Variants in HECTD2 observed in about 807,000 individuals in gnomAD.
HECTD2 encodes HECT domain E3 ubiquitin protein ligase 2.
HECTD2 carries 35 observed loss-of-function variants against 103.2 expected under a neutral mutation model. The observed-to-expected ratio is 0.34, with a 90% CI of 0.26 to 0.45. HECTD2 has a LOEUF of 0.45. Ranked by LOEUF, HECTD2 falls within the 20% of genes least tolerant of loss-of-function variation. The probability of loss-of-function intolerance (pLI) is 1.00; values close to 1 mark genes in which losing one functional copy is unlikely to be tolerated. For synonymous variants in HECTD2, 281 were observed against 329.9 expected (o/e 0.85, Z 1.61); for missense variants, 596 against 937.4 (o/e 0.64, Z 4.76).
chr10:91,415,786 A>G (rs1843103354), intron 1 of HECTD2, among the ~76,000 whole-genome samples: 1 of 152,252 alleles, frequency 6.6e-6, no homozygotes, highest in Non-Finnish European at 1.5e-5. Flanking sequence ...ATTTGTTACT[A>G]GAGATAGAAC....
chr10:91,422,585 A>G (rs1036016315), intron 1 of HECTD2, among the ~76,000 whole-genome samples: 1 of 152,150 alleles, frequency 6.6e-6, no homozygotes, highest in Non-Finnish European at 1.5e-5. Flanking sequence ...CCTAATACAT[A>G]TAATAAGGAA....
At chr10:91,438,799 G>T (rs1179356240) in intron 2 of HECTD2, among the ~76,000 whole-genome samples, 1 of 152,080 alleles carries the variant, frequency 6.6e-6, no homozygotes, top group Non-Finnish European at 1.5e-5. Flanking sequence ...ATCTCATTGT[G>T]GTTTTGATTT....
chr10:91,462,484 C>CTGTA, intron 5 of HECTD2: 3 of 1,158,468 alleles, frequency 2.6e-6, no homozygotes, highest in Non-Finnish European at 3.2e-6. Flanking sequence ...TACACTGAAT[C>CTGTA]TGTAGATCAG....
At chr10:91,432,870 G>A (rs1843949420) in intron 2 of HECTD2, among the ~76,000 whole-genome samples, 2 of 151,904 alleles carry the variant, frequency 1.3e-5, no homozygotes, top group South Asian at 2.1e-4. Context: ...AATAGCCAGG[G>A]AAGAACAAGT....
At chr10:91,422,153 A>G (rs936048163) in intron 1 of HECTD2, among the ~76,000 whole-genome samples, 1 of 152,106 alleles carries the variant, frequency 6.6e-6, no homozygotes. Flanking sequence ...ATCTCTGTTC[A>G]GGATAGAATC....
At chr10:91,449,270 T>C (rs1433297915) in intron 2 of HECTD2, among the ~76,000 whole-genome samples, 10 of 152,092 alleles carry the variant, frequency 6.6e-5, no homozygotes, top group African/African-American at 2.4e-4. Context: ...ACGTAATCCA[T>C]TTCAACAGAA....
intron 2 of HECTD2, among the ~76,000 whole-genome samples, chr10:91,444,881 G>A (rs1005419611): frequency 1.3e-5 from 2 of 152,112 alleles, no homozygotes; most frequent in Admixed American, 6.6e-5. Flanking sequence ...TTCATTCAGC[G>A]AACTTATGAA....
At chr10:91,489,664 T>A (rs1433245580) in intron 11 of HECTD2, 1 of 152,180 alleles carries the variant, frequency 6.6e-6, no homozygotes, top group Non-Finnish European at 1.5e-5. Flanking sequence ...GAAAAAACGG[T>A]CTGTAACACA....
chr10:91,482,555 T>C (rs1251770480), intron 7 of HECTD2, among the ~76,000 whole-genome samples: 3 of 151,970 alleles, frequency 2.0e-5, no homozygotes, highest in African/African-American at 7.2e-5. Flanking sequence ...TGCTTTTAAT[T>C]GGATGATAGT....
intron 2 of HECTD2, among the ~76,000 whole-genome samples, chr10:91,439,469 T>C (rs1199223331): frequency 2.0e-5 from 3 of 152,212 alleles, no homozygotes; most frequent in African/African-American, 7.2e-5. Context: ...AGTATCATGC[T>C]GTTTTGGTTA....
chr10:91,461,118 A>G (rs1845328302), intron 3 of HECTD2, 136 bp from the exon 4 acceptor site: 3 of 465,104 alleles, frequency 6.5e-6, no homozygotes, highest in Non-Finnish European at 1.2e-5. Flanking sequence ...AAATCCATAA[A>G]CTATATTAAC....
At chr10:91,473,488 T>C (rs769628474) in intron 5 of HECTD2, among the ~76,000 whole-genome samples, 37 of 152,140 alleles carry the variant, frequency 2.4e-4, no homozygotes, top group Non-Finnish European at 2.9e-4. Flanking sequence ...ATCTGAGATA[T>C]AAGAAAGAAT....
chr10:91,482,034 A>G (rs1034262901), intron 7 of HECTD2, among the ~76,000 whole-genome samples: 1 of 151,748 alleles, frequency 6.6e-6, no homozygotes, highest in Non-Finnish European at 1.5e-5. Flanking sequence ...GAGGAGAAAG[A>G]GCCAAAACTC....
At chr10:91,501,400 C>G (rs1203595034) in intron 20 of HECTD2, 66 bp downstream of exon 20, 1 of 998,792 alleles carries the variant, frequency 1.0e-6, no homozygotes, top group Non-Finnish European at 1.5e-6. Flanking sequence ...AATGATAATA[C>G]ATTTGGAATC....
intron 1 of HECTD2, among the ~76,000 whole-genome samples, chr10:91,424,373 A>T (rs1342588159): frequency 5.3e-5 from 8 of 152,124 alleles, no homozygotes; most frequent in Admixed American, 2.6e-4. Flanking sequence ...CTGGTGAATT[A>T]AGAAGGAGGA....
At chr10:91,423,506 A>C (rs935247020) in intron 1 of HECTD2, among the ~76,000 whole-genome samples, 2 of 152,112 alleles carry the variant, frequency 1.3e-5, no homozygotes, top group African/African-American at 4.8e-5. Context: ...ATGAACAGGC[A>C]AAAATGTCAC....
At chr10:91,435,799 T>C (rs894054372) in intron 2 of HECTD2, among the ~76,000 whole-genome samples, 10 of 152,048 alleles carry the variant, frequency 6.6e-5, no homozygotes, top group Non-Finnish European at 1.5e-5. Flanking sequence ...TCTTGAATTA[T>C]TTTGTTGATG....
intron 1 of HECTD2, among the ~76,000 whole-genome samples, chr10:91,421,412 A>G (rs983668724): frequency 6.6e-6 from 1 of 152,154 alleles, no homozygotes; most frequent in African/African-American, 2.4e-5. Flanking sequence ...GTTGTGTCCA[A>G]TCTTTTGGCT....
intron 1 of HECTD2, among the ~76,000 whole-genome samples, chr10:91,422,474 A>G (rs1045988462): frequency 3.9e-5 from 6 of 152,180 alleles, no homozygotes; most frequent in Non-Finnish European, 8.8e-5. Context: ...TTGTGTGTCC[A>G]ATTTGGCATT....
Sources: allele counts gnomAD v4.1 joint callset (sites outside exome capture counted in the v4.1 genomes callset), GRCh38; gene constraint gnomAD v4.1.1; transcripts MANE v1.5; gene names NCBI Gene and HGNC (gene_info 2026-07-23, HGNC 2026-07-21).